Variants in GTPBP6 observed in about 807,000 individuals in gnomAD.
The protein encoded by GTPBP6 is GTP binding protein 6, also known as putative GTP-binding protein 6.
GTPBP6 carries 33 observed loss-of-function variants against 28.9 expected under a neutral mutation model. The ratio of observed to expected loss-of-function variants is 1.14; its 90% CI spans 0.87 to 1.53. The LOEUF (loss-of-function observed/expected upper bound fraction) is 1.53, where lower values mean the gene tolerates loss of function less well. Ranked by LOEUF, GTPBP6 falls within the 40% of genes most tolerant of loss-of-function variation. The pLI is 0.00. For missense variants in GTPBP6, 507 were observed against 408.3 expected (o/e 1.24, Z -2.08); for synonymous variants, 231 against 192.7 (o/e 1.20, Z -1.65).
chrX:308,442 T>C (rs1241624823), intron 7 of GTPBP6, among the ~76,000 whole-genome samples: 1 of 152,166 alleles, frequency 6.6e-6, no homozygotes, highest in African/African-American at 2.4e-5. Flanking sequence ...TTCCTGTAAC[T>C]GAGGCACTTT....
intron 2 of GTPBP6, among the ~76,000 whole-genome samples, chrX:316,456 C>T (rs1305188035): frequency 6.6e-6 from 1 of 152,142 alleles, no homozygotes; most frequent in Non-Finnish European, 1.5e-5. Flanking sequence ...GCAGCCGACC[C>T]CCACCTGGGC....
At chrX:305,774 G>A (rs768762807) in intron 9 of GTPBP6, among the ~76,000 whole-genome samples, 4 of 150,496 alleles carry the variant, frequency 2.7e-5, no homozygotes, top group Admixed American at 1.3e-4. Flanking sequence ...ACAGGTGCCC[G>A]CCACTGCGCC....
intron 2 of GTPBP6, among the ~76,000 whole-genome samples, chrX:316,550 C>T (rs1453957524): frequency 0.026 from 4,015 of 152,244 alleles, 178 homozygotes; most frequent in African/African-American, 0.092. Context: ...TGGACCCCAC[C>T]CTAAGAGACT....
chrX:315,508 TACGGTGA>T (rs1339640451), intron 2 of GTPBP6, among the ~76,000 whole-genome samples: 32 of 65,466 alleles, frequency 4.9e-4, no homozygotes, highest in African/African-American at 1.5e-3. Flanking sequence ...TAGACATGCA[TACGGTGA>T]ACACATCCCG....
At chrX:308,013 G>A in intron 7 of GTPBP6, 133 bp from the exon 8 acceptor site, 1 of 765,012 alleles carries the variant, frequency 1.3e-6, no homozygotes, top group Non-Finnish European at 1.9e-6. Context: ...CCTGTGTGCA[G>A]GCCCCTCGGA....
intron 6 of GTPBP6, 40 bp downstream of exon 6, chrX:312,726 C>A: frequency 6.3e-7 from 1 of 1,586,820 alleles, no homozygotes. Context: ...ACCGGTGACA[C>A]GGAGACCGCG....
intron 7 of GTPBP6, among the ~76,000 whole-genome samples, chrX:309,554 AC>A (rs1355505151): frequency 1.3e-5 from 2 of 152,114 alleles, no homozygotes; most frequent in African/African-American, 4.8e-5. Context: ...AGATGAGGTT[AC>A]CCTGGATTTA....
intron 6 of GTPBP6, chrX:311,969 T>C (rs2070310309): frequency 1.8e-6 from 1 of 554,886 alleles, no homozygotes; most frequent in African/African-American, 1.9e-5. Context: ...GTGGTGCTGG[T>C]GTGGATGGGA....
rs1356642776 is a variant in GTPBP6, at chrX:305,648, CAG to C, written c.1428-453_1428-452del. The stretch of plus-strand genomic sequence containing the variant: ...TTATTTTTTATTTTTTTTTTTGAGA[CAG>C]AGTCTCGCTCTGTCGCCAGGCTGGG... On this transcript the variant is annotated intron_variant, in intron 9 of 9. Coordinates refer to ENST00000326153, the Ensembl canonical transcript of GTPBP6. 2.9e-5 allele frequency among the ~76,000 whole-genome samples: 4 copies of C among 140,316 alleles called. 1 individual carries two copies. Among genetic ancestry groups the C allele is most frequent in the Non-Finnish European group, 6.0e-5 (4 of 66,342 alleles). 92.1% of individuals were successfully genotyped at this position (140,316 alleles called of 152,430 possible). A position where few individuals can be genotyped will look rare whatever the true frequency, so the allele number is the denominator to read the frequency against.
At chrX:315,548 A>G (rs2070414706) in intron 2 of GTPBP6, among the ~76,000 whole-genome samples, 1 of 146,054 alleles carries the variant, frequency 6.8e-6, no homozygotes, top group African/African-American at 2.6e-5. Context: ...ACACATACAC[A>G]CGCAGACACA....
chrX:318,476 G>C (rs1212983284), exon 1 of GTPBP6: 1 of 398,218 alleles, frequency 2.5e-6, no homozygotes, highest in Non-Finnish European at 4.4e-6. Context: ...CCCACTTGAC[G>C]TCAGGGTGAA....
Position 313,017 on chromosome X carries a change from C to G in GTPBP6, c.758-93G>C, listed in dbSNP as rs768258334. 242 of 1,098,058 alleles carry G rather than the reference C, an allele frequency of 2.2e-4. 3 individuals are homozygous for G. In the South Asian group the frequency reaches 3.0e-3, roughly 14 times the overall value. The allele number at this position is 1,098,058 out of a possible 1,614,324, so 68.0% of individuals were successfully genotyped here. ...CGGAGGGTCTGCGGGGGCCCGGGGC[C>G]TGCTCCCGCTCCAGCATCTGGGGGC... On this transcript the variant is annotated intron_variant, in intron 5 of 9. Coordinates refer to ENST00000326153, the Ensembl canonical transcript of GTPBP6.
chrX:305,545 T>C (rs761480605), intron 9 of GTPBP6, among the ~76,000 whole-genome samples: 1 of 150,730 alleles, frequency 6.6e-6, no homozygotes, highest in Non-Finnish European at 1.5e-5. Context: ...ATGGTCTCGA[T>C]CTCCTGACTT....
At chrX:306,797 ATAAT>A in intron 9 of GTPBP6, among the ~76,000 whole-genome samples, 1 of 151,434 alleles carries the variant, frequency 6.6e-6, no homozygotes, top group Admixed American at 6.6e-5. Context: ...CACTGTCAGC[ATAAT>A]TAGGCACCTG....
At chrX:311,669 G>A (rs371576208) in intron 6 of GTPBP6, 42 bp from the exon 7 acceptor site, 283 of 1,475,632 alleles carry the variant, frequency 1.9e-4, no homozygotes, top group Middle Eastern at 7.1e-4. Flanking sequence ...AGATCCCTGC[G>A]TCCCAACTCC....
At chrX:313,208 G>A (rs2070351409) in intron 5 of GTPBP6, among the ~76,000 whole-genome samples, 1 of 152,242 alleles carries the variant, frequency 6.6e-6, no homozygotes, top group Admixed American at 6.5e-5. Flanking sequence ...AGGCCTCCGA[G>A]CGGGACACGG....
At chrX:312,640 G>A in intron 6 of GTPBP6, 126 bp downstream of exon 6, 2 of 972,118 alleles carry the variant, frequency 2.1e-6, no homozygotes. Flanking sequence ...CCTCTCCTGG[G>A]CACGTGCTCA....
chrX:307,075 C>A (rs1246710519), intron 9 of GTPBP6, among the ~76,000 whole-genome samples: 2 of 151,350 alleles, frequency 1.3e-5, no homozygotes, highest in African/African-American at 4.9e-5. Context: ...AGATTAGGCA[C>A]CCGTTGTATG....
At chrX:314,653 T>G (rs2070394461) in intron 4 of GTPBP6, among the ~76,000 whole-genome samples, 1 of 151,992 alleles carries the variant, frequency 6.6e-6, no homozygotes, top group Non-Finnish European at 1.5e-5. Context: ...TTTTCTTGTA[T>G]TTTTAGTACA....
Sources: allele counts gnomAD v4.1 joint callset (sites outside exome capture counted in the v4.1 genomes callset), GRCh38; gene constraint gnomAD v4.1.1; transcripts MANE v1.5; gene names NCBI Gene and HGNC (gene_info 2026-07-23, HGNC 2026-07-21).